Variants in PDGFC observed in about 807,000 individuals in gnomAD.
PDGFC encodes platelet derived growth factor C, also known as platelet-derived growth factor C.
Under a neutral mutation model 35.5 loss-of-function variants are expected in PDGFC, and 12 were observed. That is an observed-to-expected ratio of 0.34 (90% confidence interval 0.22 to 0.55). The LOEUF (loss-of-function observed/expected upper bound fraction) is 0.55. Ranked by LOEUF, PDGFC falls within the 20% of genes least tolerant of loss-of-function variation. The pLI is 0.91. For missense variants in PDGFC, 322 were observed against 412.4 expected (o/e 0.78, Z 1.90); for synonymous variants, 159 against 148.8 (o/e 1.07, Z -0.50).
intron 3 of PDGFC, among the ~76,000 whole-genome samples, chr4:156,806,372 T>A (rs1195126917): frequency 1.3e-5 from 2 of 152,042 alleles, no homozygotes; most frequent in Non-Finnish European, 2.9e-5. Flanking sequence ...TGGAAAAAAG[T>A]AAATAAATTA....
intron 3 of PDGFC, among the ~76,000 whole-genome samples, chr4:156,799,903 G>A (rs1192505874): frequency 1.3e-5 from 2 of 151,968 alleles, no homozygotes; most frequent in African/African-American, 2.4e-5. Flanking sequence ...AAAAAAATTG[G>A]TAAATTCTAA....
Position 156,795,806 on chromosome 4 carries a change from C to G in PDGFC, c.495+15031G>C, listed in dbSNP as rs1731424238. 2.6e-5 allele frequency among the ~76,000 whole-genome samples: 4 copies of G among 152,248 alleles called. No individual in the cohort carries two copies. In the South Asian group the frequency reaches 8.3e-4, roughly 32 times the overall value. ...TAAATTTTGCATGGGAGAGATTTAG[C>G]TGCACTACAGTCATCAATCTTTTCT... On this transcript the variant is annotated intron_variant, in intron 3 of 5. Coordinates refer to ENST00000502773, the MANE Select transcript of PDGFC (RefSeq NM_016205.3).
chr4:156,861,268 T>G (rs530334371), intron 1 of PDGFC, among the ~76,000 whole-genome samples: 1 of 152,256 alleles, frequency 6.6e-6, no homozygotes, highest in Non-Finnish European at 1.5e-5. Flanking sequence ...CATTCACACT[T>G]GCTCATGTTG....
intron 1 of PDGFC, among the ~76,000 whole-genome samples, chr4:156,857,330 C>T (rs781399345): frequency 3.9e-4 from 59 of 151,888 alleles, no homozygotes; most frequent in Admixed American, 3.2e-3. Context: ...TCTGATTTTA[C>T]GAACATCAAA....
At chr4:156,788,899 G>A (rs904209017) in intron 3 of PDGFC, among the ~76,000 whole-genome samples, 2 of 152,130 alleles carry the variant, frequency 1.3e-5, no homozygotes, top group African/African-American at 4.8e-5. Context: ...AGGAAAACTG[G>A]TTTTATATGC....
chr4:156,867,069 A>G (rs1729862163), intron 1 of PDGFC, among the ~76,000 whole-genome samples: 1 of 152,244 alleles, frequency 6.6e-6, no homozygotes, highest in South Asian at 2.1e-4. Flanking sequence ...TTATAAAAAA[A>G]GTAGAGTATA....
chr4:156,899,699 C>A (rs1730720035), intron 1 of PDGFC, among the ~76,000 whole-genome samples: 1 of 152,124 alleles, frequency 6.6e-6, no homozygotes, highest in Non-Finnish European at 1.5e-5. Flanking sequence ...CCTGTAATCC[C>A]AGCTACTAGG....
intron 3 of PDGFC, among the ~76,000 whole-genome samples, chr4:156,795,275 T>G (rs1208818565): frequency 2.6e-5 from 4 of 152,122 alleles, no homozygotes; most frequent in African/African-American, 9.7e-5. Flanking sequence ...AAAACTGCTG[T>G]TAAGTCAGGT....
At chr4:156,937,525 C>A (rs1346379489) in intron 1 of PDGFC, among the ~76,000 whole-genome samples, 1 of 150,866 alleles carries the variant, frequency 6.6e-6, no homozygotes, top group Non-Finnish European at 1.5e-5. Context: ...AATAGTGAAA[C>A]CCCATCTCTA....
intron 1 of PDGFC, among the ~76,000 whole-genome samples, chr4:156,912,591 C>T (rs1731064391): frequency 6.6e-6 from 1 of 151,974 alleles, no homozygotes; most frequent in Admixed American, 6.6e-5. Flanking sequence ...AAAAGTATTC[C>T]TAAGTTCTGA....
chr4:156,886,150 A>C (rs1730370515), intron 1 of PDGFC, among the ~76,000 whole-genome samples: 1 of 152,178 alleles, frequency 6.6e-6, no homozygotes, highest in Non-Finnish European at 1.5e-5. Context: ...CACAGTGGGG[A>C]ATAATAAGAA....
intron 1 of PDGFC, among the ~76,000 whole-genome samples, chr4:156,901,004 A>C (rs947935383): frequency 6.6e-6 from 1 of 151,908 alleles, no homozygotes; most frequent in African/African-American, 2.4e-5. Context: ...GAGTGTACAA[A>C]AGAGAGAATG....
rs1390089950 is a variant in PDGFC at position 156,960,273 on chromosome 4, T to TATAA, written c.118+10512_118+10513insTTAT. On this transcript the variant is annotated intron_variant, in intron 1 of 5. Coordinates refer to ENST00000502773, the MANE Select transcript of PDGFC (RefSeq NM_016205.3). ...ACTGTTATATATATATATATATATATAAAACTATAAATTTGGAATATCTCT... is the reference window on the plus strand; with the variant it reads ...ACTGTTATATATATATATATATATATATAAAAAACTATAAATTTGGAATATCTCT... Among the ~76,000 whole-genome samples, 14 of 147,556 alleles carry TATAA rather than the reference T, an allele frequency of 9.5e-5. No individual in the cohort carries two copies. The Admixed American group carries it at 9.5e-4, about 10-fold the overall frequency.
At chr4:156,946,403 T>C (rs1731948400) in intron 1 of PDGFC, among the ~76,000 whole-genome samples, 1 of 152,108 alleles carries the variant, frequency 6.6e-6, no homozygotes, top group South Asian at 2.1e-4. Context: ...TCATCCAAGA[T>C]GATTTCATTT....
chr4:156,908,253 CAAT>C lies in PDGFC; in HGVS notation c.119-57840_119-57838del, dbSNP rs1183990010. Among the ~76,000 whole-genome samples, 3 of 151,874 alleles carry C rather than the reference CAAT, an allele frequency of 2.0e-5. No homozygotes were observed. The East Asian group carries it at 5.8e-4, about 29-fold the overall frequency. ...AGGCAATAATAAAATATTAATAGAT[CAAT>C]AATAAAATATTAAGAGATTTATGAT... On this transcript the variant is annotated intron_variant, in intron 1 of 5. Transcript: ENST00000502773.
chr4:156,902,332 C>T (rs988292838), intron 1 of PDGFC, among the ~76,000 whole-genome samples: 1 of 152,068 alleles, frequency 6.6e-6, no homozygotes, highest in African/African-American at 2.4e-5. Context: ...GTCAAATTTG[C>T]TTCAGAATTT....
intron 1 of PDGFC, among the ~76,000 whole-genome samples, chr4:156,929,895 G>A (rs1271002171): frequency 1.3e-5 from 2 of 152,068 alleles, no homozygotes; most frequent in Non-Finnish European, 2.9e-5. Flanking sequence ...CCTGAGAAGT[G>A]TGCAGCCCTG....
At chr4:156,920,644 AACACACACACACACAC>A (rs10611712) in intron 1 of PDGFC, among the ~76,000 whole-genome samples, 29 of 132,048 alleles carry the variant, frequency 2.2e-4, no homozygotes, top group South Asian at 5.0e-4. Context: ...AGGAAAAGAA[AACACACACACACACAC>A]ACACACACAC....
At chr4:156,933,101 C>T (rs1003050904) in intron 1 of PDGFC, among the ~76,000 whole-genome samples, 1 of 151,210 alleles carries the variant, frequency 6.6e-6, no homozygotes, top group Admixed American at 6.6e-5. Context: ...CTCACCTGTA[C>T]AAGAAAGTCA....
Sources: allele counts gnomAD v4.1 joint callset (sites outside exome capture counted in the v4.1 genomes callset), GRCh38; gene constraint gnomAD v4.1.1; transcripts MANE v1.5; gene names NCBI Gene and HGNC (gene_info 2026-07-23, HGNC 2026-07-21).